The following ERBIN variants were observed in gnomAD, a reference collection of about 807,000 sequenced individuals.
ERBIN encodes the protein densin-180-like protein.
In ERBIN, 60 loss-of-function variants were observed where a neutral mutation model predicts 158.4. The ratio of observed to expected loss-of-function variants is 0.38; its 90% confidence interval spans 0.31 to 0.47. The LOEUF is 0.47. Ranked by LOEUF, ERBIN falls within the 20% of genes least tolerant of loss-of-function variation. ERBIN has a pLI of 0.99. For synonymous variants in ERBIN, 594 were observed against 557.2 expected (o/e 1.07, Z -0.93); for missense variants, 1,610 against 1,648.0 (o/e 0.98, Z 0.40).
chr5:65,967,875 G>A (rs960327629), intron 1 of ERBIN, among the ~76,000 whole-genome samples: 3 of 152,254 alleles, frequency 2.0e-5, no homozygotes, highest in African/African-American at 7.2e-5. Flanking sequence ...TTAGATGGTT[G>A]CCAGGGCCAT....
chr5:65,997,966 G>A (rs58292558), intron 4 of ERBIN, among the ~76,000 whole-genome samples: 2 of 151,756 alleles, frequency 1.3e-5, no homozygotes, highest in Non-Finnish European at 2.9e-5. Flanking sequence ...GTTGGCTCAC[G>A]CCTGTAATCT....
intron 14 of ERBIN, 138 bp downstream of exon 14, chr5:66,028,481 T>C: frequency 2.1e-6 from 1 of 480,970 alleles, no homozygotes; most frequent in Non-Finnish European, 3.6e-6. Flanking sequence ...AAGAAAAATC[T>C]CAAAATATTT....
chr5:66,036,936 T>C (rs1472996199), intron 14 of ERBIN, among the ~76,000 whole-genome samples: 1 of 152,214 alleles, frequency 6.6e-6, no homozygotes, highest in African/African-American at 2.4e-5. Context: ...ACTAGTTTTC[T>C]TATTACATCT....
chr5:65,976,592 T>C (rs1250855508), intron 1 of ERBIN, among the ~76,000 whole-genome samples: 8 of 149,812 alleles, frequency 5.3e-5, no homozygotes, highest in African/African-American at 2.0e-4. Flanking sequence ...CACAGGACAA[T>C]AGTGAAGGGA....
At chr5:66,060,904 G>A (rs1760212892) in intron 21 of ERBIN, among the ~76,000 whole-genome samples, 5 of 152,204 alleles carry the variant, frequency 3.3e-5, no homozygotes, top group African/African-American at 1.2e-4. Context: ...TGGTCTGAGA[G>A]ACAGTTTGTT....
chr5:65,954,485 G>A (rs55673304), intron 1 of ERBIN, among the ~76,000 whole-genome samples: 6,105 of 152,184 alleles, frequency 0.04, 415 homozygotes, highest in African/African-American at 0.14. Context: ...TTGGTTACAT[G>A]TGGACCTGAG....
chr5:65,941,169 A>G (rs998352770), intron 1 of ERBIN, among the ~76,000 whole-genome samples: 4 of 152,140 alleles, frequency 2.6e-5, no homozygotes, highest in Admixed American at 6.5e-5. Context: ...ACCCAGGGAC[A>G]CAAACACTGT....
chr5:66,075,785 T>C (rs1268515107), intron 23 of ERBIN, among the ~76,000 whole-genome samples: 1 of 152,212 alleles, frequency 6.6e-6, no homozygotes, highest in Non-Finnish European at 1.5e-5. Flanking sequence ...TGCATCTTTT[T>C]TTTTAGCTTG....
Position 66,053,658 on chromosome 5 carries a change from C to T in ERBIN, c.2340C>T (p.Ile780=). The T allele has an allele frequency of 6.2e-7, 1 of 1,613,694 alleles. No homozygotes were observed. The highest frequency in any genetic ancestry group is 8.5e-7 in the Non-Finnish European group (1 of 1,179,886). ...CTAATGATACATTTCAACCAGAGAT[C>T]ATGGAAAGATCAAAAACACAGGATA... The part of the protein sequence containing the change: ...LITNDTFQPE[I]MERSKTQDIV... Residue 780 remains isoleucine (I), a synonymous_variant, in exon 21 of 26, where the codon ATC becomes ATT. Transcript: ENST00000284037.
At position 66,011,325 on chromosome 5, in the gene ERBIN, T is replaced by C. The variant is rs1367801335; in HGVS notation, c.308-724T>C. On this transcript the variant is annotated intron_variant, in intron 4 of 25. Coordinates refer to ENST00000284037, the MANE Select transcript of ERBIN (RefSeq NM_001253697.2). The stretch of plus-strand genomic sequence containing the variant: ...TGATGTAGACTGTCTTCCTCTTCTA[T>C]CTGCAGCTTTATTTTCAGCTTTGCT... 2.0e-5 allele frequency among the ~76,000 whole-genome samples: 3 copies of C among 152,322 alleles called. No individual in the cohort carries two copies. In the East Asian group the frequency reaches 5.8e-4, roughly 29 times the overall value.
chr5:65,944,141 A>G (rs1398371696), intron 1 of ERBIN, among the ~76,000 whole-genome samples: 1 of 150,940 alleles, frequency 6.6e-6, no homozygotes, highest in Non-Finnish European at 1.5e-5. Flanking sequence ...CCCAGCTTTC[A>G]TTTCTTTTGG....
chr5:66,003,838 C>T (rs1482720178), intron 4 of ERBIN, among the ~76,000 whole-genome samples: 2 of 146,674 alleles, frequency 1.4e-5, no homozygotes, highest in South Asian at 4.4e-4. Flanking sequence ...AGAGAGAGTT[C>T]TTCTGTAACT....
chr5:66,025,255 G>A (rs1053122066), intron 10 of ERBIN: 1 of 496,464 alleles, frequency 2.0e-6, no homozygotes. Flanking sequence ...TTTAGTGGGA[G>A]TTAATAAACA....
At chr5:66,018,447 A>T (rs1449953954) in intron 7 of ERBIN, among the ~76,000 whole-genome samples, 2 of 47,684 alleles carry the variant, frequency 4.2e-5, no homozygotes, top group African/African-American at 7.7e-5. Context: ...ATATAATATA[A>T]TATATATTAT....
At chr5:65,934,617 GGC>G (rs1254348925) in intron 1 of ERBIN, among the ~76,000 whole-genome samples, 1 of 152,126 alleles carries the variant, frequency 6.6e-6, no homozygotes, top group African/African-American at 2.4e-5. Context: ...CTTATCAGGT[GGC>G]AGGCAATTTC....
intron 1 of ERBIN, among the ~76,000 whole-genome samples, chr5:65,958,680 A>C (rs565114822): frequency 6.6e-6 from 1 of 151,690 alleles, no homozygotes; most frequent in African/African-American, 2.4e-5. Context: ...GGGGGAGGGA[A>C]ATGTAGGATT....
chr5:66,057,341 C>G (rs6892659), intron 21 of ERBIN, among the ~76,000 whole-genome samples: 9,139 of 152,168 alleles, frequency 0.06, 966 homozygotes, highest in African/African-American at 0.21. Flanking sequence ...ATATAACTAA[C>G]TGCTAAATAA....
At chr5:65,948,110 A>G (rs1430866384) in intron 1 of ERBIN, among the ~76,000 whole-genome samples, 2 of 151,954 alleles carry the variant, frequency 1.3e-5, no homozygotes, top group African/African-American at 4.8e-5. Context: ...ACGATTTTAC[A>G]GCACGTATTC....
chr5:65,968,925 A>T (rs541514906), intron 1 of ERBIN, among the ~76,000 whole-genome samples: 52 of 152,308 alleles, frequency 3.4e-4, no homozygotes, highest in African/African-American at 1.2e-3. Flanking sequence ...TAGATGAACG[A>T]AGCAACTACT....
Sources: gnomAD v4.1 joint callset for allele counts (sites outside exome capture counted in the v4.1 genomes callset) on GRCh38, gnomAD v4.1.1 for gene constraint, MANE v1.5 for transcripts, NCBI Gene and HGNC (gene_info 2026-07-23, HGNC 2026-07-21) for gene names.